ADAM22: variants seen among roughly 807,000 people sequenced by gnomAD.
The protein encoded by ADAM22 is ADAM metallopeptidase domain 22, also known as disintegrin and metalloproteinase domain-containing protein 22.
Under a neutral mutation model 144.6 loss-of-function variants are expected in ADAM22, and 65 were observed. That is an observed-to-expected ratio of 0.45 (90% CI 0.37 to 0.55). ADAM22 has a LOEUF of 0.55. ADAM22 is among the 20% of genes least tolerant of loss of function. The probability of loss-of-function intolerance (pLI) is 0.00; values close to 1 mark genes in which losing one functional copy is unlikely to be tolerated. For missense variants in ADAM22, 974 were observed against 1,184.9 expected (o/e 0.82, Z 2.61); for synonymous variants, 391 against 412.6 (o/e 0.95, Z 0.63).
chr7:88,136,891 A>G (rs1288738694), intron 14 of ADAM22, among the ~76,000 whole-genome samples: 1 of 152,114 alleles, frequency 6.6e-6, no homozygotes, highest in Non-Finnish European at 1.5e-5. Flanking sequence ...GACAATAATG[A>G]TAAGCTTGGA....
intron 2 of ADAM22, among the ~76,000 whole-genome samples, chr7:87,965,718 A>G (rs964950938): frequency 1.3e-5 from 2 of 152,210 alleles, no homozygotes; most frequent in Admixed American, 6.5e-5. Context: ...AAATCCATTG[A>G]TATTACAGAA....
rs1827253851 is a variant in ADAM22 at position 88,114,550 on chromosome 7, T to C, written c.474-34T>C. The stretch of plus-strand genomic sequence containing the variant: ...GATCTTGTTCTGGGATGAGAGTCGA[T>C]GGCCATGCCTAATTATTTTTTTGTC... On this transcript the variant is annotated intron_variant, in intron 5 of 31. Transcript: ENST00000413139. The C allele has an allele frequency of 2.1e-5, 34 of 1,602,580 alleles. No individual in the cohort carries two copies. In the East Asian group the frequency reaches 7.6e-4, roughly 36 times the overall value.
intron 3 of ADAM22, among the ~76,000 whole-genome samples, chr7:88,058,712 T>C (rs1018961976): frequency 1.9e-4 from 29 of 152,198 alleles, no homozygotes; most frequent in African/African-American, 6.5e-4. Context: ...TGGAAGGGCC[T>C]GTAGTGTTAA....
At chr7:87,941,415 G>T (rs1016330692) in intron 2 of ADAM22, among the ~76,000 whole-genome samples, 3 of 152,140 alleles carry the variant, frequency 2.0e-5, no homozygotes, top group Non-Finnish European at 4.4e-5. Flanking sequence ...CAGCTTGATG[G>T]TAAATTGTCT....
At chr7:88,158,289 C>T (rs1311670996) in intron 22 of ADAM22, among the ~76,000 whole-genome samples, 1 of 152,098 alleles carries the variant, frequency 6.6e-6, no homozygotes, top group Non-Finnish European at 1.5e-5. Flanking sequence ...CTTAAACTCC[C>T]TCACAATAAC....
intron 4 of ADAM22, among the ~76,000 whole-genome samples, chr7:88,078,197 A>G (rs576994125): frequency 6.6e-6 from 1 of 152,286 alleles, no homozygotes; most frequent in Admixed American, 6.5e-5. Context: ...ATTCCCCAAT[A>G]TCCACTTTTC....
At chr7:88,069,550 A>G (rs979034961) in intron 3 of ADAM22, among the ~76,000 whole-genome samples, 1 of 152,210 alleles carries the variant, frequency 6.6e-6, no homozygotes, top group Non-Finnish European at 1.5e-5. Flanking sequence ...TCTTTAATCA[A>G]CCACAGTTTG....
rs147888320 is a variant in ADAM22 at position 87,948,195 on chromosome 7, A to G, written c.246+13009A>G. 5.9e-5 allele frequency among the ~76,000 whole-genome samples: 9 copies of G among 152,156 alleles called. No individual in the cohort carries two copies. The East Asian group carries it at 1.5e-3, about 26-fold the overall frequency. ...ATTTCCCCCCACTCTATTTCTGCCA[A>G]GCGTCTCTTTCTCTATGCAACTAAA... On this transcript the variant is annotated intron_variant, in intron 2 of 31. Coordinates refer to ENST00000413139, the MANE Select transcript of ADAM22 (RefSeq NM_001324418.2).
chr7:87,969,888 A>G (rs1850012838), intron 2 of ADAM22, among the ~76,000 whole-genome samples: 2 of 152,246 alleles, frequency 1.3e-5, no homozygotes, highest in African/African-American at 4.8e-5. Context: ...TAATCAGCTT[A>G]TGAAAACTGT....
chr7:87,959,937 A>G (rs1272191372), intron 2 of ADAM22, among the ~76,000 whole-genome samples: 2 of 152,102 alleles, frequency 1.3e-5, no homozygotes, highest in Non-Finnish European at 2.9e-5. Flanking sequence ...TTCTGAATTC[A>G]TTGTTTTTTC....
At chr7:87,934,660 A>ATTTTT (rs57360340) in intron 1 of ADAM22, 110 bp downstream of exon 1, 3 of 704,910 alleles carry the variant, frequency 4.3e-6, no homozygotes, top group African/African-American at 4.2e-5. Context: ...GCGCGGGGAG[A>ATTTTT]TTTTTTTTTT....
chr7:88,017,757 T>TA (rs567307390), intron 3 of ADAM22, among the ~76,000 whole-genome samples: 244 of 151,194 alleles, frequency 1.6e-3, no homozygotes, highest in African/African-American at 5.7e-3. Context: ...TGTTTCTTTG[T>TA]AAAAAATGCA....
chr7:88,140,709 G>A (rs1205808640), intron 14 of ADAM22, among the ~76,000 whole-genome samples: 2 of 152,070 alleles, frequency 1.3e-5, no homozygotes, highest in African/African-American at 4.8e-5. Context: ...GGTGGCACAT[G>A]CCTGTAGTCC....
Position 87,970,242 on chromosome 7 carries a change from C to CATAT in ADAM22, c.247-8083_247-8080dup, listed in dbSNP as rs3086406. 1.3e-3 allele frequency among the ~76,000 whole-genome samples: 199 copies of CATAT among 150,642 alleles called. 3 individuals carry two copies. Among genetic ancestry groups the CATAT allele is most frequent in the African/African-American group, 4.5e-3 (186 of 41,104 alleles). ...GAAAAGAGGGATCATATATACAAGC[C>CATAT]ATATATATATATATGTATTTATTAA... is the stretch of plus-strand genomic sequence containing the variant. On this transcript the variant is annotated intron_variant, in intron 2 of 31. Transcript: ENST00000413139.
chr7:88,169,561 C>A (rs182238871), intron 25 of ADAM22, among the ~76,000 whole-genome samples: 2 of 152,112 alleles, frequency 1.3e-5, no homozygotes, highest in East Asian at 3.9e-4. Context: ...ACCTTTGGCG[C>A]AGTTGGCTTA....
chr7:88,181,965 G>T lies in ADAM22; in HGVS notation c.2604G>T (p.Leu868=). 3 of 1,613,494 alleles carry T rather than the reference G, an allele frequency of 1.9e-6. No homozygotes were observed. The highest frequency in any genetic ancestry group is 1.3e-5 in the African/African-American group (1 of 74,972). ...RPRSNSWQGN[L]GGNKKKIRGK... is the part of the protein sequence containing the mutation. Reference sequence around the variant, plus strand: ...CTAAACCGTCTTTTTCAGGTAACCTGGGAGGCAACAAAAAGAAAATCAGAG... The same window carrying T: ...CTAAACCGTCTTTTTCAGGTAACCTTGGAGGCAACAAAAAGAAAATCAGAG... Residue 868 remains leucine (L), a synonymous_variant, in exon 29 of 32, where the codon CTG becomes CTT. Coordinates refer to ENST00000413139, the MANE Select transcript of ADAM22 (RefSeq NM_001324418.2).
At chr7:88,003,188 A>C (rs1792983712) in intron 3 of ADAM22, among the ~76,000 whole-genome samples, 1 of 152,252 alleles carries the variant, frequency 6.6e-6, no homozygotes, top group Admixed American at 6.5e-5. Flanking sequence ...CTGGAATAAA[A>C]AAACTTAAAA....
intron 4 of ADAM22, among the ~76,000 whole-genome samples, chr7:88,083,348 G>T (rs962829388): frequency 2.0e-5 from 3 of 151,866 alleles, no homozygotes; most frequent in African/African-American, 7.2e-5. Context: ...TGGGGTGGGG[G>T]ACTGGGGGAG....
chr7:88,009,954 G>A (rs1023857645), intron 3 of ADAM22, among the ~76,000 whole-genome samples: 25 of 152,168 alleles, frequency 1.6e-4, no homozygotes, highest in African/African-American at 4.6e-4. Flanking sequence ...AAGTGTTTCC[G>A]TAACTCTACT....
Sources: allele counts gnomAD v4.1 joint callset (sites outside exome capture counted in the v4.1 genomes callset), GRCh38; gene constraint gnomAD v4.1.1; transcripts MANE v1.5; gene names NCBI Gene and HGNC (gene_info 2026-07-23, HGNC 2026-07-21).